PCSK6: variants seen among roughly 807,000 people sequenced by gnomAD.
PCSK6 encodes paired basic amino acid cleaving enzyme 4.
PCSK6 carries 85 observed loss-of-function variants against 123.3 expected under a neutral mutation model. The observed-to-expected ratio is 0.69, with a 90% CI of 0.58 to 0.83. PCSK6 has a LOEUF of 0.83. Ranked by LOEUF, PCSK6 falls within the 40% of genes least tolerant of loss-of-function variation. PCSK6 has a pLI of 0.00. For synonymous variants in PCSK6, 508 were observed against 516.0 expected (o/e 0.98, Z 0.21); for missense variants, 1,191 against 1,282.3 (o/e 0.93, Z 1.09).
chr15:101,412,511 C>T (rs1472480514), intron 6 of PCSK6, among the ~76,000 whole-genome samples: 1 of 149,984 alleles, frequency 6.7e-6, no homozygotes, highest in Non-Finnish European at 1.5e-5. Flanking sequence ...TACAAATATG[C>T]CTAAAACAAA....
Position 101,438,088 on chromosome 15 carries a change from C to T in PCSK6, c.402+5468G>A, listed in dbSNP as rs77446949. On this transcript the variant is annotated intron_variant, in intron 2 of 21. Transcript: ENST00000611716. ...CAGAAGAAACCAACCCTGCCAACGC[C>T]GTAATCTCAGTCTTCCAACCTTCCT... 6.0e-3 allele frequency among the ~76,000 whole-genome samples: 920 copies of T among 152,242 alleles called. 11 individuals are homozygous for T. Among genetic ancestry groups the T allele is most frequent in the African/African-American group, 0.021 (871 of 41,516 alleles).
intron 7 of PCSK6, among the ~76,000 whole-genome samples, chr15:101,394,116 A>G (rs1440695742): frequency 6.8e-6 from 1 of 147,080 alleles, no homozygotes; most frequent in Non-Finnish European, 1.5e-5. Flanking sequence ...ATTTGTGTGT[A>G]GGTTTTCTTT....
chr15:101,475,652 A>ATT (rs35792381), intron 1 of PCSK6, among the ~76,000 whole-genome samples: 1,579 of 122,658 alleles, frequency 0.013, 56 homozygotes, highest in Admixed American at 0.032. Flanking sequence ...CACTTGGCTA[A>ATT]TTTTTTTTTT....
intron 13 of PCSK6, chr15:101,346,949 C>A (rs753303654): frequency 1.1e-5 from 14 of 1,231,298 alleles, no homozygotes; most frequent in African/African-American, 3.1e-5. Context: ...TGGGGAAAGG[C>A]GTCACTGTCA....
chr15:101,369,260 G>T (rs543836713), intron 12 of PCSK6, among the ~76,000 whole-genome samples: 26 of 152,374 alleles, frequency 1.7e-4, no homozygotes, highest in Admixed American at 1.5e-3. Flanking sequence ...TTGCTGCTGA[G>T]TCAATTACCC....
At chr15:101,328,495 A>G (rs2040308536) in intron 15 of PCSK6, among the ~76,000 whole-genome samples, 1 of 152,136 alleles carries the variant, frequency 6.6e-6, no homozygotes, top group Admixed American at 6.5e-5. Context: ...GGGAAAGTGC[A>G]GATGTCCTCA....
intron 13 of PCSK6, chr15:101,347,277 A>C: frequency 8.1e-7 from 1 of 1,232,404 alleles, no homozygotes; most frequent in Non-Finnish European, 1.0e-6. Context: ...TTAGAAATGA[A>C]GATTAGCTCA....
chr15:101,377,617 C>T (rs1231636410), intron 11 of PCSK6, among the ~76,000 whole-genome samples: 1 of 152,238 alleles, frequency 6.6e-6, no homozygotes, highest in Non-Finnish European at 1.5e-5. Flanking sequence ...TATCTCTCAT[C>T]CACAGCCATA....
chr15:101,442,877 C>T lies in PCSK6; in HGVS notation c.402+679G>A, dbSNP rs535721414. Among the ~76,000 whole-genome samples the T allele has an allele frequency of 9.2e-5, 14 of 152,244 alleles. No homozygotes were observed. The South Asian group carries it at 2.3e-3, about 25-fold the overall frequency. ...CTGCTTCGTTTTCTGTCAGCCCTGC[C>T]GCCAGCTCCACGGGCCCTGCTATGG... On this transcript the variant is annotated intron_variant, in intron 2 of 21. Coordinates refer to ENST00000611716, the MANE Select transcript of PCSK6 (RefSeq NM_002570.5).
intron 1 of PCSK6, among the ~76,000 whole-genome samples, chr15:101,479,417 G>A (rs544027660): frequency 2.6e-5 from 4 of 152,370 alleles, no homozygotes; most frequent in African/African-American, 7.2e-5. Context: ...ACGGATGGCC[G>A]TGTGGGAAAT....
In PCSK6 at chr15:101,313,367, G is replaced by A; in HGVS notation, c.2699+9C>T. 2 of 1,612,750 alleles carry A rather than the reference G, an allele frequency of 1.2e-6. No homozygotes were observed. The highest frequency in any genetic ancestry group is 1.1e-5 in the South Asian group (1 of 91,090). On this transcript the variant is annotated intron_variant, in intron 20 of 21. Transcript: ENST00000611716. The stretch of plus-strand genomic sequence containing the variant: ...AGCTGCCTGCCGTTCCCCGCCAGGA[G>A]GACCGTACCTTCGACACACTTTGTG...
intron 6 of PCSK6, among the ~76,000 whole-genome samples, chr15:101,413,798 T>C (rs1017848930): frequency 2.0e-5 from 3 of 152,152 alleles, no homozygotes; most frequent in Middle Eastern, 3.2e-3. Context: ...CATTCACAGG[T>C]ACCTCTTAAA....
chr15:101,326,441 C>T lies in PCSK6; in HGVS notation c.2116G>A (p.Gly706Ser). ...TTCAAGCACTGGTCTGCATTGGGGC[C>T]ATCACAGCCTTTGTCACCACACTCC... Reference protein sequence around the residue: ...HPECGDKGCDGPNADQCLNCV... With the variant: ...HPECGDKGCDSPNADQCLNCV... The change falls in exon 16 of 22, where the codon GGC becomes AGC. Residue 706 changes from glycine (G) to serine (S), a missense_variant. Gly to Ser is a moderately conservative substitution (Grantham distance 56, BLOSUM62 0). This residue lies in a region of PCSK6 where 630 missense variants were observed against 631.4 expected (regional missense o/e 1.00). Coordinates refer to ENST00000611716, the MANE Select transcript of PCSK6 (RefSeq NM_002570.5). 6.3e-7 allele frequency: 1 copy of T among 1,586,274 alleles called. No homozygotes were observed. The highest frequency in any genetic ancestry group is 8.6e-7 in the Non-Finnish European group (1 of 1,166,018).
At chr15:101,328,269 G>A (rs1397933194) in intron 15 of PCSK6, among the ~76,000 whole-genome samples, 2 of 152,222 alleles carry the variant, frequency 1.3e-5, no homozygotes, top group East Asian at 3.9e-4. Context: ...TGTCTTGCTT[G>A]ATAAAGTGAA....
Position 101,489,383 on chromosome 15 carries a change from G to C in PCSK6, c.288C>G (p.Asn96Lys). Residue 96 changes from asparagine (N) to lysine (K), a missense_variant, in exon 1 of 22, where the codon AAC becomes AAG. Asn to Lys is a moderately conservative substitution (Grantham distance 94). Transcript: ENST00000611716. ...DRVAAAHGYL[N>K]LGQIGNLEDY... ...GGCCGGCCGCACTCACCTGGCCCAAGTTGAGGTACCCGTGCGCCGCCGCCA... is the reference window on the plus strand; with the variant it reads ...GGCCGGCCGCACTCACCTGGCCCAACTTGAGGTACCCGTGCGCCGCCGCCA... The C allele has an allele frequency of 8.0e-7, 1 of 1,253,378 alleles. No homozygotes were observed. The highest frequency in any genetic ancestry group is 1.0e-6 in the Non-Finnish European group (1 of 985,790). 77.6% of individuals were successfully genotyped at this position (1,253,378 alleles called of 1,614,324 possible).
chr15:101,471,408 G>T (rs555391479), intron 1 of PCSK6, among the ~76,000 whole-genome samples: 1 of 152,258 alleles, frequency 6.6e-6, no homozygotes, highest in African/African-American at 2.4e-5. Flanking sequence ...CACCAATGTT[G>T]AATGAATTGT....
At chr15:101,370,273 G>T in intron 12 of PCSK6, 62 bp downstream of exon 12, 1 of 1,346,808 alleles carries the variant, frequency 7.4e-7, no homozygotes, top group Non-Finnish European at 9.8e-7. Context: ...CTGGACAGAA[G>T]CTCTTGTGCA....
At chr15:101,442,560 T>C (rs932771232) in intron 2 of PCSK6, among the ~76,000 whole-genome samples, 1 of 152,128 alleles carries the variant, frequency 6.6e-6, no homozygotes, top group African/African-American at 2.4e-5. Context: ...AGAGCCCTGA[T>C]TGTCATTGAA....
rs117277723 is a variant in PCSK6, at chr15:101,447,824, C to T, written c.298-4164G>A. ...TGCTCACAGCTCATCGACTACGCAC[C>T]GCTTCTCCAGCCGGTGCCTGAGCAG... On this transcript the variant is annotated intron_variant, in intron 1 of 21. Coordinates refer to ENST00000611716, the MANE Select transcript of PCSK6 (RefSeq NM_002570.5). Among the ~76,000 whole-genome samples, 658 of 152,352 alleles carry T rather than the reference C, an allele frequency of 4.3e-3. 10 individuals carry two copies. Among genetic ancestry groups the T allele is most frequent in the East Asian group, 0.043 (222 of 5,178 alleles).
Sources: allele counts gnomAD v4.1 joint callset (sites outside exome capture counted in the v4.1 genomes callset), GRCh38; gene constraint gnomAD v4.1.1; regional missense constraint gnomAD v4.1.1; transcripts MANE v1.5; gene names NCBI Gene and HGNC (gene_info 2026-07-23, HGNC 2026-07-21).